Variants in BBX observed in about 807,000 individuals in gnomAD.
BBX encodes BBX high mobility group box domain containing.
Under a neutral mutation model 100.2 loss-of-function variants are expected in BBX, and 30 were observed. The observed-to-expected ratio is 0.30, with a 90% CI of 0.22 to 0.41. BBX has a LOEUF of 0.41. BBX is among the 10% of genes least tolerant of loss of function. The probability of loss-of-function intolerance (pLI) is 1.00; values close to 1 mark genes in which losing one functional copy is unlikely to be tolerated. For synonymous variants in BBX, 376 were observed against 388.1 expected (o/e 0.97, Z 0.37); for missense variants, 1,023 against 1,129.8 (o/e 0.91, Z 1.35).
intron 2 of BBX, among the ~76,000 whole-genome samples, chr3:107,608,296 G>T (rs1281072782): frequency 6.6e-6 from 1 of 152,042 alleles, no homozygotes; most frequent in African/African-American, 2.4e-5. Flanking sequence ...TATGGATATC[G>T]GTTTCCCAGG....
intron 3 of BBX, among the ~76,000 whole-genome samples, chr3:107,689,076 G>A (rs2060006410): frequency 6.6e-6 from 1 of 152,168 alleles, no homozygotes; most frequent in South Asian, 2.1e-4. Context: ...GGGCGATCAA[G>A]TATATTTTAT....
chr3:107,792,327 A>G (rs2069146530), intron 15 of BBX, among the ~76,000 whole-genome samples: 1 of 152,206 alleles, frequency 6.6e-6, no homozygotes, highest in Non-Finnish European at 1.5e-5. Context: ...CCTTTGATTC[A>G]CTTATATCCA....
chr3:107,686,703 T>C (rs1383240826), intron 3 of BBX, among the ~76,000 whole-genome samples: 1 of 152,060 alleles, frequency 6.6e-6, no homozygotes, highest in Non-Finnish European at 1.5e-5. Context: ...ACACGAATGG[T>C]TGGATTGATG....
chr3:107,588,917 T>C (rs933182717), intron 2 of BBX, among the ~76,000 whole-genome samples: 1 of 152,188 alleles, frequency 6.6e-6, no homozygotes, highest in Admixed American at 6.5e-5. Context: ...AGTCTACTAA[T>C]CAACACCCAT....
chr3:107,612,206 A>G (rs1324400869), intron 2 of BBX, among the ~76,000 whole-genome samples: 1 of 152,090 alleles, frequency 6.6e-6, no homozygotes, highest in African/African-American at 2.4e-5. Context: ...CTGTGGTCAC[A>G]TGGTTCTGTC....
At chr3:107,589,682 T>C (rs575068760) in intron 2 of BBX, among the ~76,000 whole-genome samples, 7 of 152,316 alleles carry the variant, frequency 4.6e-5, no homozygotes, top group Admixed American at 2.6e-4. Context: ...GGAATCAGAC[T>C]CTTCATTGTC....
At chr3:107,732,544 G>A (rs1395623298) in intron 6 of BBX, among the ~76,000 whole-genome samples, 1 of 152,050 alleles carries the variant, frequency 6.6e-6, no homozygotes, top group Non-Finnish European at 1.5e-5. Context: ...TTTAAAACTA[G>A]TCCTGATTTC....
In BBX at chr3:107,773,211, A is replaced by G. The variant is rs1393367078; in HGVS notation, c.1490A>G (p.Asp497Gly). 1 of 1,613,978 alleles carries G rather than the reference A, an allele frequency of 6.2e-7. No individual in the cohort carries two copies. The highest frequency in any genetic ancestry group is 8.5e-7 in the Non-Finnish European group (1 of 1,180,010). Residue 497 changes from aspartate (D) to glycine (G), a missense_variant, in exon 11 of 18, where the codon GAC becomes GGC. Transcript: ENST00000325805. The surrounding 1 kb of genome is among the most constrained non-coding windows in gnomAD (Gnocchi z 4.1). The part of the protein sequence containing the change: ...IYTIEAVAKG[D>G]WGIEKLGDTP... ...ACCATTGAAGCCGTCGCAAAAGGAG[A>G]CTGGGGCATAGAGAAACTTGGAGAT...
chr3:107,783,930 G>T (rs533885095), intron 13 of BBX, among the ~76,000 whole-genome samples: 1 of 152,136 alleles, frequency 6.6e-6, no homozygotes, highest in African/African-American at 2.4e-5. Context: ...TAGAAGGATT[G>T]CTTAGTGTAG....
At chr3:107,689,267 T>C (rs1295217887) in intron 3 of BBX, among the ~76,000 whole-genome samples, 1 of 152,236 alleles carries the variant, frequency 6.6e-6, no homozygotes, top group Non-Finnish European at 1.5e-5. Flanking sequence ...GGAAGTTGTA[T>C]GCTACTCTGA....
intron 7 of BBX, among the ~76,000 whole-genome samples, chr3:107,740,486 C>A (rs1476197933): frequency 1.3e-5 from 2 of 152,030 alleles, no homozygotes; most frequent in Non-Finnish European, 2.9e-5. Flanking sequence ...CCTCCTGCCT[C>A]CAGTCATCCC....
chr3:107,766,263 A>T (rs890864662), intron 10 of BBX, among the ~76,000 whole-genome samples: 1 of 152,194 alleles, frequency 6.6e-6, no homozygotes, highest in African/African-American at 2.4e-5. Flanking sequence ...TTATGCATAA[A>T]CTCTAATGAA....
intron 3 of BBX, among the ~76,000 whole-genome samples, chr3:107,666,200 C>G (rs1164391674): frequency 6.6e-6 from 1 of 152,172 alleles, no homozygotes; most frequent in Non-Finnish European, 1.5e-5. Context: ...CCTTTTAATT[C>G]TCTGTAGACT....
intron 2 of BBX, among the ~76,000 whole-genome samples, chr3:107,530,689 C>G (rs1013111767): frequency 8.6e-5 from 13 of 152,030 alleles, no homozygotes; most frequent in African/African-American, 2.9e-4. Flanking sequence ...AAAAATTATT[C>G]AAAACAGCTG....
At position 107,769,437 on chromosome 3, in the gene BBX, A is replaced by G. The variant is rs908572153; in HGVS notation, c.907-3191A>G. ...CCTCATAGGGGTTCAAGTCTAAGTT[A>G]CATAGCTTACTGTTGGAGCTTTAAG... On this transcript the variant is annotated intron_variant, in intron 10 of 17. Transcript: ENST00000325805. Among the ~76,000 whole-genome samples, 6 of 152,290 alleles carry G rather than the reference A, an allele frequency of 3.9e-5. No individual in the cohort carries two copies. In the East Asian group the frequency reaches 7.7e-4, roughly 20 times the overall value.
intron 2 of BBX, among the ~76,000 whole-genome samples, chr3:107,557,194 G>C (rs1185965784): frequency 6.6e-6 from 1 of 152,126 alleles, no homozygotes; most frequent in Non-Finnish European, 1.5e-5. Context: ...CAAGAAAATG[G>C]ATGTCTTAGG....
rs555161502 is a variant in BBX, at chr3:107,650,791, T to C, written c.-10+4882T>C. On this transcript the variant is annotated intron_variant, in intron 3 of 17. Coordinates refer to ENST00000325805, the MANE Select transcript of BBX (RefSeq NM_001142568.3). ...GGTTGTATTAGTTTGCTTGTGTTGC[T>C]GTAACACATAAAAAACAAGTGTCAG... Among the ~76,000 whole-genome samples the C allele has an allele frequency of 1.7e-4, 26 of 152,284 alleles. No homozygotes were observed. The East Asian group carries it at 4.4e-3, about 26-fold the overall frequency.
In BBX at chr3:107,646,632, T is replaced by C. The variant is rs562787228; in HGVS notation, c.-10+723T>C. On this transcript the variant is annotated intron_variant, in intron 3 of 17. Coordinates refer to ENST00000325805, the MANE Select transcript of BBX (RefSeq NM_001142568.3). ...TCTGGGAATCAGATGTGGGATTGCT[T>C]TACTGGTATCTGAATACTTTATGGT... 7.9e-5 allele frequency among the ~76,000 whole-genome samples: 12 copies of C among 152,208 alleles called. No individual in the cohort carries two copies. In the South Asian group the frequency reaches 2.3e-3, roughly 29 times the overall value.
At chr3:107,683,800 A>G (rs878980895) in intron 3 of BBX, among the ~76,000 whole-genome samples, 5 of 152,190 alleles carry the variant, frequency 3.3e-5, no homozygotes, top group Non-Finnish European at 5.9e-5. Flanking sequence ...TCCAGTTTCT[A>G]TCTATGTGTC....
Sources: allele counts gnomAD v4.1 joint callset (sites outside exome capture counted in the v4.1 genomes callset), GRCh38; gene constraint gnomAD v4.1.1; non-coding constraint Gnocchi (gnomAD v3.1); transcripts MANE v1.5; gene names NCBI Gene and HGNC (gene_info 2026-07-23, HGNC 2026-07-21).